PCM1: variants seen among roughly 807,000 people sequenced by gnomAD.
PCM1 encodes pericentriolar material 1 protein.
In PCM1, 157 loss-of-function variants were observed where a neutral mutation model predicts 241.9. The observed-to-expected ratio is 0.65, with a 90% CI of 0.57 to 0.74. The LOEUF is 0.74. PCM1 is among the 30% of genes least tolerant of loss of function. PCM1 has a pLI of 0.00. For missense variants in PCM1, 3,478 were observed against 2,360.1 expected (o/e 1.47, Z -9.81); for synonymous variants, 1,085 against 784.9 (o/e 1.38, Z -6.39).
intron 9 of PCM1, 109 bp from the exon 10 acceptor site, chr8:17,955,361 T>G: frequency 1.5e-6 from 1 of 687,150 alleles, no homozygotes; most frequent in African/African-American, 1.8e-5. Context: ...CTGCAGAAAT[T>G]AAGTTGTTAA....
At chr8:17,968,762 G>GTGTATATATATA (rs373502456) in intron 21 of PCM1, among the ~76,000 whole-genome samples, 7 of 136,780 alleles carry the variant, frequency 5.1e-5, no homozygotes, top group African/African-American at 1.9e-4. Flanking sequence ...GTGTGTGTGT[G>GTGTATATATATA]TATATATATA....
chr8:17,963,092 A>G lies in PCM1; in HGVS notation c.2464-9A>G. 6.3e-7 allele frequency: 1 copy of G among 1,589,614 alleles called. No individual in the cohort carries two copies. The highest frequency in any genetic ancestry group is 8.6e-7 in the Non-Finnish European group (1 of 1,167,318). On this transcript the variant is annotated splice_polypyrimidine_tract_variant and intron_variant, in intron 16 of 38. Transcript: ENST00000325083. ...TATTTATTTAACTCTGGTTTCTTAA[A>G]AAAAATAGTTGTGGTCAGAAATGAG...
Position 18,006,349 on chromosome 8 carries a change from C to T in PCM1, c.4914C>T (p.Ser1638=). 6.2e-7 allele frequency: 1 copy of T among 1,612,712 alleles called. No homozygotes were observed. The highest frequency in any genetic ancestry group is 8.5e-7 in the Non-Finnish European group (1 of 1,179,052). ...VLTLTQQNDE[S]KEFVKFFHKQ... is the part of the protein sequence containing the mutation. ...CCCTTACCCAGCAAAATGATGAGAG[C>T]AAAGAGTTTGTAAAGTTCTTTCATA... Residue 1638 remains serine, a synonymous_variant, in exon 30 of 39, where the codon AGC becomes AGT. Coordinates refer to ENST00000325083, the MANE Select transcript of PCM1 (RefSeq NM_006197.4).
intron 6 of PCM1, among the ~76,000 whole-genome samples, chr8:17,940,361 A>C (rs2061661233): frequency 6.6e-6 from 1 of 152,328 alleles, no homozygotes; most frequent in South Asian, 2.1e-4. Flanking sequence ...AATAGTTTTA[A>C]TGGTTAATTT....
chr8:17,939,059 C>T (rs75496563), intron 5 of PCM1, 50 bp downstream of exon 5: 1 of 1,588,058 alleles, frequency 6.3e-7, no homozygotes, highest in South Asian at 1.1e-5. Context: ...CCTCAAAATA[C>T]CAACAGTAAG....
intron 24 of PCM1, among the ~76,000 whole-genome samples, chr8:17,985,160 T>G (rs962520536): frequency 6.6e-6 from 1 of 151,884 alleles, no homozygotes. Context: ...ATGTATAATA[T>G]TTTCTGTATA....
chr8:17,953,112 A>C lies in PCM1; in HGVS notation c.1214A>C (p.Glu405Ala). 6.3e-7 allele frequency: 1 copy of C among 1,597,116 alleles called. No homozygotes were observed. Among genetic ancestry groups the C allele is most frequent in the East Asian group, 2.2e-5 (1 of 44,508 alleles). ...ELFSKMRVLQ[E>A]KKQKMDKLLG... ...TTTAGCAAAATGAGAGTGCTACAGG[A>C]AAAGAAACAAAAAATGGACAAATTG... is the stretch of plus-strand genomic sequence containing the variant. The change falls in exon 9 of 39, where the codon GAA (glutamate) becomes GCA (alanine). Residue 405 changes from glutamate to alanine, a missense_variant. Coordinates refer to ENST00000325083, the MANE Select transcript of PCM1 (RefSeq NM_006197.4).
chr8:17,954,814 A>G (rs1373970642), intron 9 of PCM1, among the ~76,000 whole-genome samples: 1 of 152,228 alleles, frequency 6.6e-6, no homozygotes, highest in Non-Finnish European at 1.5e-5. Flanking sequence ...AATAGAAAGT[A>G]ATTAAATTTA....
At chr8:17,955,864 G>C (rs2068133144) in intron 10 of PCM1, 1 of 561,168 alleles carries the variant, frequency 1.8e-6, no homozygotes, top group South Asian at 2.1e-5. Context: ...GTGAACTGAT[G>C]TTACTTTCTT....
At chr8:18,014,167 GT>G (rs2092878579) in intron 35 of PCM1, 131 bp downstream of exon 35, 1 of 604,184 alleles carries the variant, frequency 1.7e-6, no homozygotes, top group Non-Finnish European at 2.9e-6. Flanking sequence ...CCTGATGTAT[GT>G]TTTTCTTCTC....
intron 29 of PCM1, among the ~76,000 whole-genome samples, chr8:18,000,371 A>C (rs7825899): frequency 0.52 from 78,697 of 152,006 alleles, 22,070 homozygotes; most frequent in Non-Finnish European, 0.65. Flanking sequence ...AGCAGAGAAA[A>C]AAAGTCTGGC....
At chr8:17,992,937 T>TG (rs1216623258) in intron 28 of PCM1, among the ~76,000 whole-genome samples, 4 of 148,926 alleles carry the variant, frequency 2.7e-5, no homozygotes, top group Non-Finnish European at 4.5e-5. Flanking sequence ...TTTTGATGGT[T>TG]TTTTTTTTTT....
At chr8:18,012,610 G>A (rs140780355) in intron 34 of PCM1, among the ~76,000 whole-genome samples, 19 of 152,204 alleles carry the variant, frequency 1.2e-4, no homozygotes, top group Admixed American at 9.1e-4. Context: ...ATATTTTACT[G>A]TGATGTGCCT....
At chr8:18,013,907 T>A (rs2092823995) in intron 34 of PCM1, 57 bp from the exon 35 acceptor site, 1 of 997,708 alleles carries the variant, frequency 1.0e-6, no homozygotes, top group African/African-American at 1.7e-5. Flanking sequence ...AGTAATCATC[T>A]CTTTTATAGT....
rs1272917585 is a variant in PCM1 at position 18,027,852 on chromosome 8, GAC to G, written c.*195_*196del. 4.7e-5 allele frequency: 19 copies of G among 400,944 alleles called. No homozygotes were observed. Among genetic ancestry groups the G allele is most frequent in the Middle Eastern group, 6.4e-4 (1 of 1,560 alleles). 24.8% of individuals were successfully genotyped at this position (400,944 alleles called of 1,614,324 possible). A position where few individuals can be genotyped will look rare whatever the true frequency, so the allele number is the denominator to read the frequency against. ...TGAATTCTGGACAGATTTAAGCCTTGACACACTGTGTTTTTTTTTTTTTCCCC... is the reference window on the plus strand; with the variant it reads ...TGAATTCTGGACAGATTTAAGCCTTGACACTGTGTTTTTTTTTTTTTCCCC... On this transcript the variant is annotated 3_prime_UTR_variant, in exon 39 of 39. Coordinates refer to ENST00000325083, the MANE Select transcript of PCM1 (RefSeq NM_006197.4).
At chr8:17,929,582 A>C (rs996881620) in intron 2 of PCM1, among the ~76,000 whole-genome samples, 3 of 152,210 alleles carry the variant, frequency 2.0e-5, no homozygotes, top group Non-Finnish European at 4.4e-5. Context: ...TTTTCTGATC[A>C]GTTTAACTGT....
chr8:17,947,991 T>C (rs753730811), intron 7 of PCM1, among the ~76,000 whole-genome samples: 6 of 152,220 alleles, frequency 3.9e-5, no homozygotes, highest in Non-Finnish European at 8.8e-5. Context: ...ACGTTTATCA[T>C]CACCTTCAAA....
At chr8:17,933,953 A>G (rs1041368044) in intron 2 of PCM1, among the ~76,000 whole-genome samples, 5 of 152,156 alleles carry the variant, frequency 3.3e-5, no homozygotes, top group Non-Finnish European at 5.9e-5. Context: ...AAAGTAATAT[A>G]TGCTCATTAA....
chr8:18,025,440 C>T lies in PCM1; in HGVS notation c.5921C>T (p.Thr1974Ile), dbSNP rs763374724. ...GTTGAAGATTTACCACTGAAACTGA[C>T]AATATATTCAGAGGTATTTAGCTGT... Reference protein sequence around the residue: ...VKVEDLPLKLTIYSEADLRKK... With the variant: ...VKVEDLPLKLIIYSEADLRKK... The change falls in exon 37 of 39, where the codon ACA (threonine) becomes ATA (isoleucine). Residue 1974 changes from threonine (T) to isoleucine (I), a missense_variant. Thr to Ile is a moderately conservative substitution (Grantham distance 89). Coordinates refer to ENST00000325083, the MANE Select transcript of PCM1 (RefSeq NM_006197.4). The T allele has an allele frequency of 3.8e-6, 6 of 1,585,764 alleles. No homozygotes were observed. The highest frequency in any genetic ancestry group is 1.3e-5 in the African/African-American group (1 of 74,138).
Sources: gnomAD v4.1 joint callset for allele counts (sites outside exome capture counted in the v4.1 genomes callset) on GRCh38, gnomAD v4.1.1 for gene constraint, MANE v1.5 for transcripts, NCBI Gene and HGNC (gene_info 2026-07-23, HGNC 2026-07-21) for gene names.